MAP2K1: variants seen among roughly 807,000 people sequenced by gnomAD.
MAP2K1 encodes dual specificity mitogen-activated protein kinase kinase 1.
In MAP2K1, 16 loss-of-function variants were observed where a neutral mutation model predicts 46.3. The observed-to-expected ratio is 0.35, with a 90% CI of 0.23 to 0.52. MAP2K1 has a LOEUF of 0.52. MAP2K1 is among the 20% of genes least tolerant of loss of function. MAP2K1 has a pLI of 0.94. For missense variants in MAP2K1, 263 were observed against 497.1 expected, an observed-to-expected ratio of 0.53 and a Z score of 4.48; for synonymous variants, 183 against 185.6, an observed-to-expected ratio of 0.99 and a Z score of 0.11.
At chr15:66,405,957 A>G (rs2093395625) in intron 1 of MAP2K1, among the ~76,000 whole-genome samples, 1 of 152,184 alleles carries the variant, frequency 6.6e-6, no homozygotes, top group Non-Finnish European at 1.5e-5. Flanking sequence ...TGACAGAGGG[A>G]TGTATACTTT....
At chr15:66,395,029 G>T (rs1242887398) in intron 1 of MAP2K1, among the ~76,000 whole-genome samples, 1 of 152,162 alleles carries the variant, frequency 6.6e-6, no homozygotes, top group Admixed American at 6.5e-5. Context: ...CAGAATTCCA[G>T]TTTCACTTAT....
rs71454561 is a variant in MAP2K1 at position 66,421,093 on chromosome 15, TACACACACAC to T, written c.81-13910_81-13901del. ...ACACATATATACACATACACACACATACACACACACACACACACACACACACACACACATA... is the reference window on the plus strand; with the variant it reads ...ACACATATATACACATACACACACATACACACACACACACACACACACATA... On this transcript the variant is annotated intron_variant, in intron 1 of 10. Coordinates refer to ENST00000307102, the MANE Select transcript of MAP2K1 (RefSeq NM_002755.4). Among the ~76,000 whole-genome samples, 561 of 128,842 alleles carry T rather than the reference TACACACACAC, an allele frequency of 4.4e-3. 3 individuals are homozygous for T. Among genetic ancestry groups the T allele is most frequent in the South Asian group, 0.024 (88 of 3,684 alleles). 84.5% of individuals were successfully genotyped at this position (128,842 alleles called of 152,430 possible). A position where few individuals can be genotyped will look rare whatever the true frequency, so the allele number is the denominator to read the frequency against.
At chr15:66,481,640 C>G in intron 5 of MAP2K1, 115 bp from the exon 6 acceptor site, 1 of 1,205,554 alleles carries the variant, frequency 8.3e-7, no homozygotes, top group Non-Finnish European at 1.2e-6. Flanking sequence ...TGATGGCGGA[C>G]GGGGGTGTGG....
At chr15:66,400,266 C>T (rs1379494147) in intron 1 of MAP2K1, among the ~76,000 whole-genome samples, 1 of 151,310 alleles carries the variant, frequency 6.6e-6, no homozygotes, top group Non-Finnish European at 1.5e-5. Context: ...TCAAGCGATC[C>T]ACCTGGCTCA....
chr15:66,429,429 T>C (rs547817943), intron 1 of MAP2K1, among the ~76,000 whole-genome samples: 19 of 152,238 alleles, frequency 1.2e-4, no homozygotes, highest in African/African-American at 4.3e-4. Context: ...GATTACAATT[T>C]AAGATGAGAT....
chr15:66,471,645 A>G (rs1892634104), intron 5 of MAP2K1, among the ~76,000 whole-genome samples: 2 of 92,262 alleles, frequency 2.2e-5, no homozygotes, highest in Admixed American at 2.5e-4. Flanking sequence ...AATTAGCTCA[A>G]ACAATAAAGA....
intron 1 of MAP2K1, among the ~76,000 whole-genome samples, chr15:66,391,298 T>C (rs1288825482): frequency 6.6e-6 from 1 of 152,234 alleles, no homozygotes; most frequent in East Asian, 1.9e-4. Context: ...CACTGCCTTT[T>C]TGTTTTTTGA....
intron 4 of MAP2K1, 100 bp from the exon 5 acceptor site, chr15:66,444,556 A>T: frequency 1.1e-6 from 1 of 921,692 alleles, no homozygotes; most frequent in Non-Finnish European, 1.8e-6. Flanking sequence ...CAAATTTGTG[A>T]TGATGATAAA....
At chr15:66,443,863 G>C (rs1160099163) in intron 4 of MAP2K1, among the ~76,000 whole-genome samples, 1 of 152,170 alleles carries the variant, frequency 6.6e-6, no homozygotes, top group Non-Finnish European at 1.5e-5. Flanking sequence ...GTGAGACCCT[G>C]TCTCAAAACA....
At chr15:66,489,796 CTGTT>C (rs1893182171) in intron 10 of MAP2K1, 33 bp downstream of exon 10, 1 of 1,564,494 alleles carries the variant, frequency 6.4e-7, no homozygotes, top group Admixed American at 1.7e-5. Context: ...CTTACAGTAC[CTGTT>C]TATTCATTTG....
At chr15:66,392,886 C>T (rs1566993617) in intron 1 of MAP2K1, among the ~76,000 whole-genome samples, 2 of 152,058 alleles carry the variant, frequency 1.3e-5, no homozygotes, top group Non-Finnish European at 2.9e-5. Flanking sequence ...TTGTTTTGAG[C>T]TCTATTCATG....
intron 1 of MAP2K1, among the ~76,000 whole-genome samples, chr15:66,399,837 C>T (rs28373000): frequency 0.31 from 47,035 of 151,932 alleles, 7,699 homozygotes; most frequent in Admixed American, 0.39. Context: ...CCTCGTGATC[C>T]GCCCACCTCA....
chr15:66,488,049 T>A (rs1404704148), intron 8 of MAP2K1, among the ~76,000 whole-genome samples: 1 of 151,956 alleles, frequency 6.6e-6, no homozygotes, highest in East Asian at 1.9e-4. Flanking sequence ...CACCCAGTGC[T>A]CTTTCTTCCT....
At chr15:66,418,239 T>C (rs1419246981) in intron 1 of MAP2K1, among the ~76,000 whole-genome samples, 1 of 152,146 alleles carries the variant, frequency 6.6e-6, no homozygotes, top group Non-Finnish European at 1.5e-5. Context: ...ATGGAGAGGA[T>C]ATTTCCTGTT....
At chr15:66,404,909 C>T (rs1258835932) in intron 1 of MAP2K1, among the ~76,000 whole-genome samples, 1 of 152,168 alleles carries the variant, frequency 6.6e-6, no homozygotes, top group Non-Finnish European at 1.5e-5. Context: ...AAGGATGCAT[C>T]TGTAGGACCA....
intron 1 of MAP2K1, among the ~76,000 whole-genome samples, chr15:66,434,405 G>C (rs2093482194): frequency 6.6e-6 from 1 of 152,176 alleles, no homozygotes. Flanking sequence ...GTCCTCTTTG[G>C]ACCCTTATTC....
chr15:66,467,894 G>C (rs532587138), intron 5 of MAP2K1, among the ~76,000 whole-genome samples: 1 of 152,188 alleles, frequency 6.6e-6, no homozygotes, highest in African/African-American at 2.4e-5. Flanking sequence ...TTTTGGGCTG[G>C]GTTTATAGTT....
At chr15:66,409,864 T>A (rs921337296) in intron 1 of MAP2K1, among the ~76,000 whole-genome samples, 1 of 152,184 alleles carries the variant, frequency 6.6e-6, no homozygotes, top group African/African-American at 2.4e-5. Flanking sequence ...TTTAAAGAAT[T>A]TTTTTCTGTA....
chr15:66,420,759 G>GTGTGTGTGTGTGTGTGTA (rs1252003697), intron 1 of MAP2K1, among the ~76,000 whole-genome samples: 8 of 40,094 alleles, frequency 2.0e-4, no homozygotes, highest in African/African-American at 7.7e-4. Flanking sequence ...GTGTGTGTGT[G>GTGTGTGTGTGTGTGTGTA]TATGTGTGTA....
Sources: allele counts gnomAD v4.1 joint callset (sites outside exome capture counted in the v4.1 genomes callset), GRCh38; gene constraint gnomAD v4.1.1; transcripts MANE v1.5; gene names NCBI Gene and HGNC (gene_info 2026-07-23, HGNC 2026-07-21).